The following IL1RAPL2 variants were observed in gnomAD, a reference collection of about 807,000 sequenced individuals.
IL1RAPL2 encodes the protein X-linked interleukin-1 receptor accessory protein-like 2.
IL1RAPL2 carries 3 observed loss-of-function variants against 44.1 expected under a neutral mutation model. The ratio of observed to expected loss-of-function variants is 0.07; its 90% CI spans 0.03 to 0.18. The LOEUF is 0.18. IL1RAPL2 is among the 10% of genes least tolerant of loss of function. IL1RAPL2 has a pLI of 1.00. For synonymous variants in IL1RAPL2, 181 were observed against 178.8 expected (o/e 1.01, Z -0.10); for missense variants, 391 against 496.4 (o/e 0.79, Z 2.02).
intron 6 of IL1RAPL2, among the ~76,000 whole-genome samples, chrX:105,551,187 T>A (rs1000187294): frequency 9.1e-6 from 1 of 109,297 alleles, no homozygotes; most frequent in Non-Finnish European, 1.9e-5. Context: ...TGAAGGAAGA[T>A]TTTTACTCAA....
intron 5 of IL1RAPL2, among the ~76,000 whole-genome samples, chrX:105,410,843 C>T (rs1437098158): frequency 9.0e-6 from 1 of 111,457 alleles, no homozygotes; most frequent in Non-Finnish European, 1.9e-5. Flanking sequence ...TAAAACCCAT[C>T]AGTATAGATA....
At chrX:104,809,675 G>T (rs1165463928) in intron 2 of IL1RAPL2, among the ~76,000 whole-genome samples, 1 of 109,564 alleles carries the variant, frequency 9.1e-6, no homozygotes, top group Non-Finnish European at 1.9e-5. Context: ...CCATTTTGTA[G>T]GTTGCCTGTT....
intron 6 of IL1RAPL2, among the ~76,000 whole-genome samples, chrX:105,708,556 G>C (rs1602532785): frequency 9.0e-6 from 1 of 111,596 alleles, no homozygotes; most frequent in Admixed American, 9.5e-5. Flanking sequence ...CAGAAGTTGG[G>C]AAAGTGAAAA....
At chrX:104,624,604 C>A (rs1929463416) in intron 1 of IL1RAPL2, among the ~76,000 whole-genome samples, 1 of 111,466 alleles carries the variant, frequency 9.0e-6, no homozygotes, top group Non-Finnish European at 1.9e-5. Context: ...GAAAATAAGG[C>A]AATATTTTCA....
At chrX:105,304,869 ATAAAG>A (rs1158442646) in intron 5 of IL1RAPL2, among the ~76,000 whole-genome samples, 1 of 111,873 alleles carries the variant, frequency 8.9e-6, no homozygotes, top group Non-Finnish European at 1.9e-5. Flanking sequence ...TGAGTAATCT[ATAAAG>A]TAAAGCAGTT....
intron 2 of IL1RAPL2, among the ~76,000 whole-genome samples, chrX:105,048,733 C>G (rs2031875845): frequency 9.0e-6 from 1 of 111,605 alleles, no homozygotes; most frequent in African/African-American, 3.3e-5. Flanking sequence ...ACAAAACAAA[C>G]AGGATATGAT....
rs1172515228 is a variant in IL1RAPL2, at chrX:105,520,923, C to CTTTTTTTTTTTTT, written c.772+36553_772+36565dup. Among the ~76,000 whole-genome samples the CTTTTTTTTTTTTT allele has an allele frequency of 4.4e-4, 23 of 52,355 alleles. 1 individual carries two copies. The highest frequency in any genetic ancestry group is 7.6e-4 in the Admixed American group (3 of 3,926). The allele number at this position is 52,355 out of a possible 115,157, so 45.5% of individuals were successfully genotyped here. A position where few individuals can be genotyped will look rare whatever the true frequency, so the allele number is the denominator to read the frequency against. The stretch of plus-strand genomic sequence containing the variant: ...CAATATTATAGCTATTTCTTTCTTT[C>CTTTTTTTTTTTTT]TTTTTTTTTTTTTTTTTTTTTTTTT... On this transcript the variant is annotated intron_variant, in intron 6 of 10. Coordinates refer to ENST00000372582, the MANE Select transcript of IL1RAPL2 (RefSeq NM_017416.2).
chrX:105,457,784 G>A (rs2036067148), intron 5 of IL1RAPL2, among the ~76,000 whole-genome samples: 1 of 109,627 alleles, frequency 9.1e-6, no homozygotes, highest in Non-Finnish European at 1.9e-5. Context: ...ATAGACATTG[G>A]TGCAGAAATA....
chrX:105,264,519 C>G (rs2034386253), intron 4 of IL1RAPL2, among the ~76,000 whole-genome samples: 1 of 111,030 alleles, frequency 9.0e-6, no homozygotes, highest in Non-Finnish European at 1.9e-5. Flanking sequence ...AACCAAGAGC[C>G]TGGAAGACTT....
chrX:104,974,381 AG>A (rs1335778970), intron 2 of IL1RAPL2, among the ~76,000 whole-genome samples: 4 of 112,438 alleles, frequency 3.6e-5, no homozygotes, highest in African/African-American at 1.3e-4. Flanking sequence ...AGCCTAGACT[AG>A]CCTTGTTTAA....
At chrX:104,957,942 A>T (rs1046503573) in intron 2 of IL1RAPL2, among the ~76,000 whole-genome samples, 3 of 110,918 alleles carry the variant, frequency 2.7e-5, no homozygotes, top group African/African-American at 9.9e-5. Context: ...AAAATTAAAA[A>T]TTATCTGGGT....
intron 2 of IL1RAPL2, among the ~76,000 whole-genome samples, chrX:104,806,200 A>C (rs1353185407): frequency 8.9e-6 from 1 of 112,233 alleles, no homozygotes; most frequent in African/African-American, 3.2e-5. Context: ...CAAGAGAAAG[A>C]AGGACATTCT....
In IL1RAPL2 at chrX:105,468,580, T is replaced by A. The variant is rs148458232; in HGVS notation, c.698-15733T>A. Among the ~76,000 whole-genome samples the A allele has an allele frequency of 1.9e-3, 207 of 111,763 alleles. 1 individual carries two copies. The highest frequency in any genetic ancestry group is 6.6e-3 in the African/African-American group (202 of 30,825). ...TGAACAAGGGGCCATGTTTTTCATT[T>A]TGCACTGGACCCTACAAACTGGACC... On this transcript the variant is annotated intron_variant, in intron 5 of 10. Transcript: ENST00000372582.
chrX:104,901,356 G>A lies in IL1RAPL2; in HGVS notation c.82+242361G>A, dbSNP rs1293595092. ...CTCGCGAGTAGCTGGGACTACAGGC[G>A]CCTGCCACCACGCCTGGCTAATTTT... is the stretch of plus-strand genomic sequence containing the variant. On this transcript the variant is annotated intron_variant, in intron 2 of 10. Coordinates refer to ENST00000372582, the MANE Select transcript of IL1RAPL2 (RefSeq NM_017416.2). Among the ~76,000 whole-genome samples, 2 of 107,534 alleles carry A rather than the reference G, an allele frequency of 1.9e-5. 1 individual carries two copies. The highest frequency in any genetic ancestry group is 2.0e-4 in the Admixed American group (2 of 9,990). The allele number at this position is 107,534 out of a possible 115,157, so 93.4% of individuals were successfully genotyped here. A position where few individuals can be genotyped will look rare whatever the true frequency, so the allele number is the denominator to read the frequency against.
chrX:104,761,935 T>C (rs200542047), intron 2 of IL1RAPL2, among the ~76,000 whole-genome samples: 80 of 46,903 alleles, frequency 1.7e-3, no homozygotes, highest in Middle Eastern at 9.0e-3. Flanking sequence ...TTCTTCTTCT[T>C]CTTCTTCTTC....
In IL1RAPL2 at chrX:105,441,626, T is replaced by C. The variant is rs72616898; in HGVS notation, c.698-42687T>C. On this transcript the variant is annotated intron_variant, in intron 5 of 10. Transcript: ENST00000372582. ...ATATTATGCTTATAAGATTCAAACGTTCTCTCATACTGATAGCCTTCAACT... is the reference window on the plus strand; with the variant it reads ...ATATTATGCTTATAAGATTCAAACGCTCTCTCATACTGATAGCCTTCAACT... 5.6e-4 allele frequency among the ~76,000 whole-genome samples: 63 copies of C among 111,761 alleles called. No homozygotes were observed. In the East Asian group the frequency reaches 0.018, roughly 31 times the overall value.
chrX:104,735,462 A>G, intron 2 of IL1RAPL2, among the ~76,000 whole-genome samples: 1 of 111,192 alleles, frequency 9.0e-6, no homozygotes, highest in Admixed American at 9.7e-5. Context: ...ATGAACAATA[A>G]CCATTGTGAC....
At position 104,930,504 on chromosome X, in the gene IL1RAPL2, C is replaced by G. The variant is rs190465995; in HGVS notation, c.83-264971C>G. Among the ~76,000 whole-genome samples the G allele has an allele frequency of 2.8e-4, 31 of 111,779 alleles. No homozygotes were observed. The Admixed American group carries it at 2.9e-3, about 10-fold the overall frequency. On this transcript the variant is annotated intron_variant, in intron 2 of 10. Coordinates refer to ENST00000372582, the MANE Select transcript of IL1RAPL2 (RefSeq NM_017416.2). ...AAGAACTTTACATGAAGTAACTATT[C>G]AATACTCACAGTAGCCCTTCAAAGT...
intron 2 of IL1RAPL2, among the ~76,000 whole-genome samples, chrX:105,178,640 C>T (rs915856637): frequency 1.8e-5 from 2 of 111,900 alleles, no homozygotes; most frequent in Admixed American, 9.5e-5. Flanking sequence ...CTTTTCTCTG[C>T]ATCCTTGCCA....
Sources: gnomAD v4.1 joint callset for allele counts (sites outside exome capture counted in the v4.1 genomes callset) on GRCh38, gnomAD v4.1.1 for gene constraint, MANE v1.5 for transcripts, NCBI Gene and HGNC (gene_info 2026-07-23, HGNC 2026-07-21) for gene names.